Variants in PHLPP1 observed in about 807,000 individuals in gnomAD.
PHLPP1 encodes PH domain leucine-rich repeat-containing protein phosphatase 1.
In PHLPP1, 42 loss-of-function variants were observed where a neutral mutation model predicts 117.2. That is an observed-to-expected ratio of 0.36 (90% confidence interval 0.28 to 0.46). The LOEUF (loss-of-function observed/expected upper bound fraction) is 0.46, where lower values mean the gene tolerates loss of function less well. PHLPP1 is among the 20% of genes least tolerant of loss of function. The pLI, the probability that PHLPP1 is intolerant of heterozygous loss-of-function variation, is 1.00. For missense variants in PHLPP1, 2,084 were observed against 2,241.9 expected (o/e 0.93, Z 1.42); for synonymous variants, 1,042 against 970.7 (o/e 1.07, Z -1.37).
At chr18:62,958,128 G>T (rs1329795906) in intron 12 of PHLPP1, among the ~76,000 whole-genome samples, 1 of 152,000 alleles carries the variant, frequency 6.6e-6, no homozygotes, top group Non-Finnish European at 1.5e-5. Flanking sequence ...CACCATGTTG[G>T]CCAGGCTGGT....
At chr18:62,814,395 A>G (rs1056421186) in intron 1 of PHLPP1, among the ~76,000 whole-genome samples, 2 of 152,198 alleles carry the variant, frequency 1.3e-5, no homozygotes, top group African/African-American at 4.8e-5. Context: ...TCCCAGATGC[A>G]GTTTAGTGCT....
chr18:62,857,435 A>G (rs985643034), intron 3 of PHLPP1, among the ~76,000 whole-genome samples: 2 of 152,208 alleles, frequency 1.3e-5, no homozygotes, highest in African/African-American at 4.8e-5. Context: ...TGTAAATCCC[A>G]GAGAAGTCCT....
intron 2 of PHLPP1, among the ~76,000 whole-genome samples, chr18:62,834,287 G>A (rs1914832001): frequency 6.6e-6 from 1 of 152,166 alleles, no homozygotes; most frequent in African/African-American, 2.4e-5. Context: ...TCATTGGCCA[G>A]AACTAGTCAC....
At chr18:62,745,412 T>C (rs985950116) in intron 1 of PHLPP1, among the ~76,000 whole-genome samples, 1 of 152,238 alleles carries the variant, frequency 6.6e-6, no homozygotes, top group Non-Finnish European at 1.5e-5. Context: ...ATCAATAAAC[T>C]AACATTGCAT....
chr18:62,893,683 C>T (rs1003857786), intron 4 of PHLPP1, among the ~76,000 whole-genome samples: 12 of 152,084 alleles, frequency 7.9e-5, no homozygotes, highest in African/African-American at 1.4e-4. Flanking sequence ...TAGGATTAGA[C>T]GTGGGCGGTT....
At chr18:62,976,168 C>T (rs898508189) in intron 16 of PHLPP1, among the ~76,000 whole-genome samples, 7 of 152,182 alleles carry the variant, frequency 4.6e-5, no homozygotes, top group Admixed American at 2.0e-4. Context: ...TTTGCTTCCC[C>T]ACAAGACATT....
intron 12 of PHLPP1, among the ~76,000 whole-genome samples, chr18:62,955,318 G>A (rs1435523412): frequency 3.9e-5 from 6 of 152,142 alleles, no homozygotes; most frequent in South Asian, 4.1e-4. Flanking sequence ...GTTTGGTGTC[G>A]GGTTGAAGGA....
At chr18:62,719,458 A>G (rs1233697687) in intron 1 of PHLPP1, among the ~76,000 whole-genome samples, 1 of 152,184 alleles carries the variant, frequency 6.6e-6, no homozygotes, top group Admixed American at 6.5e-5. Context: ...ATTTATGGAA[A>G]CGTTGTCAGG....
chr18:62,811,499 T>A (rs8091051), intron 1 of PHLPP1, among the ~76,000 whole-genome samples: 30,670 of 151,630 alleles, frequency 0.2, 4,432 homozygotes, highest in African/African-American at 0.41. Context: ...AATTCACCAA[T>A]CCGTTTACTA....
At chr18:62,742,037 AGCTACAAAGGCCTTTGAG>A (rs1911544810) in intron 1 of PHLPP1, among the ~76,000 whole-genome samples, 1 of 152,158 alleles carries the variant, frequency 6.6e-6, no homozygotes, top group South Asian at 2.1e-4. Flanking sequence ...TGTTAAGTCT[AGCTACAAAGGCCTTTGAG>A]GCCAGTGTTT....
intron 1 of PHLPP1, among the ~76,000 whole-genome samples, chr18:62,748,268 A>T: frequency 7.0e-6 from 1 of 143,422 alleles, no homozygotes. Flanking sequence ...TTTTGAGATG[A>T]GGGTATCGCT....
chr18:62,879,596 A>G (rs567819327), intron 4 of PHLPP1, among the ~76,000 whole-genome samples: 1 of 152,278 alleles, frequency 6.6e-6, no homozygotes, highest in East Asian at 1.9e-4. Context: ...TATTTTTAGT[A>G]GACAGGGTTC....
intron 1 of PHLPP1, among the ~76,000 whole-genome samples, chr18:62,741,910 A>T (rs1454700442): frequency 6.6e-6 from 1 of 151,944 alleles, no homozygotes; most frequent in Non-Finnish European, 1.5e-5. Flanking sequence ...GGAAATTGTA[A>T]GGGGCCATAT....
intron 13 of PHLPP1, among the ~76,000 whole-genome samples, chr18:62,959,607 T>C (rs981791250): frequency 6.6e-6 from 1 of 152,230 alleles, no homozygotes; most frequent in Non-Finnish European, 1.5e-5. Flanking sequence ...TTAAACATTG[T>C]CATACATTAG....
intron 12 of PHLPP1, among the ~76,000 whole-genome samples, chr18:62,951,547 G>T (rs1328636575): frequency 6.6e-6 from 1 of 152,208 alleles, no homozygotes; most frequent in African/African-American, 2.4e-5. Context: ...TTCAGATCCT[G>T]AGGGCAAAGG....
At position 62,716,002 on chromosome 18, in the gene PHLPP1, G is replaced by A; in HGVS notation, c.319G>A (p.Ala107Thr). Residue 107 changes from alanine to threonine, a missense_variant, in exon 1 of 17, where the codon GCC (alanine) becomes ACC (threonine). This residue lies in a region of PHLPP1 where 719 missense variants were observed against 636.0 expected (regional missense o/e 1.13). Coordinates refer to ENST00000262719, the MANE Select transcript of PHLPP1 (RefSeq NM_194449.4). The surrounding 1 kb of genome is among the most constrained non-coding windows in gnomAD (Gnocchi z 5.7). Reference protein sequence around the residue: ...GAPQPIAGGAAPVPGAGGGAN... With the variant: ...GAPQPIAGGATPVPGAGGGAN... ...GCCCCAGCCCATTGCCGGCGGGGCT[G>A]CCCCCGTACCCGGGGCCGGCGGCGG... The A allele has an allele frequency of 7.3e-7, 1 of 1,369,884 alleles. No homozygotes were observed. The highest frequency in any genetic ancestry group is 9.3e-7 in the Non-Finnish European group (1 of 1,070,240). 84.9% of individuals were successfully genotyped at this position (1,369,884 alleles called of 1,614,324 possible).
chr18:62,842,245 CT>C (rs1915072060), intron 3 of PHLPP1, among the ~76,000 whole-genome samples: 1 of 152,054 alleles, frequency 6.6e-6, no homozygotes. Flanking sequence ...AACAAGTTAC[CT>C]TTTGCTGCTC....
At chr18:62,838,249 G>T (rs1914961201) in intron 2 of PHLPP1, 1 of 152,150 alleles carries the variant, frequency 6.6e-6, no homozygotes, top group South Asian at 2.1e-4. Context: ...TTTGTATAAT[G>T]TTACTTTTGG....
At chr18:62,883,027 T>C (rs1309962304) in intron 4 of PHLPP1, among the ~76,000 whole-genome samples, 1 of 148,690 alleles carries the variant, frequency 6.7e-6, no homozygotes, top group Admixed American at 6.8e-5. Flanking sequence ...AGAAAGAAAA[T>C]AGTTGGCCCT....
Sources: gnomAD v4.1 joint callset for allele counts (sites outside exome capture counted in the v4.1 genomes callset) on GRCh38, gnomAD v4.1.1 for gene constraint, gnomAD v4.1.1 regional missense constraint, Gnocchi (gnomAD v3.1) non-coding constraint, MANE v1.5 for transcripts, NCBI Gene and HGNC (gene_info 2026-07-23, HGNC 2026-07-21) for gene names.